Variants in GPHN observed in about 807,000 individuals in gnomAD.
GPHN encodes the protein gephyrin.
Under a neutral mutation model 95.5 loss-of-function variants are expected in GPHN, and 17 were observed. The ratio of observed to expected loss-of-function variants is 0.18; its 90% confidence interval spans 0.12 to 0.27. The LOEUF (loss-of-function observed/expected upper bound fraction) is 0.27. GPHN is among the 10% of genes least tolerant of loss of function. The pLI, the probability that GPHN is intolerant of heterozygous loss-of-function variation, is 1.00. For synonymous variants in GPHN, 320 were observed against 322.5 expected (o/e 0.99, Z 0.08); for missense variants, 660 against 978.1 (o/e 0.67, Z 4.34).
At chr14:67,018,662 G>A (rs1481591039) in intron 9 of GPHN, among the ~76,000 whole-genome samples, 2 of 152,154 alleles carry the variant, frequency 1.3e-5, no homozygotes, top group African/African-American at 4.8e-5. Flanking sequence ...CTCTCTTTGG[G>A]TTAGAAACAA....
At chr14:66,678,749 A>C (rs1265354678) in intron 1 of GPHN, among the ~76,000 whole-genome samples, 2 of 152,008 alleles carry the variant, frequency 1.3e-5, no homozygotes, top group African/African-American at 4.8e-5. Context: ...TTCTGTAGAC[A>C]TATCTATAGT....
At chr14:67,485,388 A>G in the GPHN span, among the ~76,000 whole-genome samples, 3 of 152,220 alleles carry the variant, frequency 2.0e-5, no homozygotes, top group African/African-American at 7.2e-5. Context: ...GCTGAGTGGA[A>G]AACAGATTCT....
chr14:67,615,010 A>G, the GPHN span: 1 of 151,542 alleles, frequency 6.6e-6, no homozygotes, highest in Admixed American at 6.6e-5. Flanking sequence ...ACTTATTCCC[A>G]CTCCCTCACA....
intron 5 of GPHN, among the ~76,000 whole-genome samples, chr14:66,914,941 G>C (rs932855277): frequency 2.6e-5 from 4 of 152,052 alleles, no homozygotes; most frequent in Non-Finnish European, 4.4e-5. Flanking sequence ...AACAGATTTT[G>C]AAGAAATATC....
At chr14:67,559,601 C>G in the GPHN span, 1 of 1,578,984 alleles carries the variant, frequency 6.3e-7, no homozygotes, top group Non-Finnish European at 8.6e-7. Context: ...CCCTCTCTTT[C>G]TTGCAGAAGC....
chr14:66,585,359 T>G (rs1012700830), intron 1 of GPHN, among the ~76,000 whole-genome samples: 6 of 152,206 alleles, frequency 3.9e-5, no homozygotes, highest in African/African-American at 1.4e-4. Context: ...TCATTGATTT[T>G]TTGAAGCGTT....
intron 16 of GPHN, among the ~76,000 whole-genome samples, chr14:67,118,453 C>T (rs1167115984): frequency 6.6e-6 from 1 of 152,138 alleles, no homozygotes; most frequent in Non-Finnish European, 1.5e-5. Context: ...GGGCCAGGCG[C>T]GGTGGCTCAC....
intron 13 of GPHN, among the ~76,000 whole-genome samples, chr14:67,107,653 A>G (rs941370216): frequency 6.6e-6 from 1 of 152,124 alleles, no homozygotes; most frequent in African/African-American, 2.4e-5. Flanking sequence ...AGACCCCTGG[A>G]TGGTGGGGCT....
intron 5 of GPHN, among the ~76,000 whole-genome samples, chr14:66,915,759 G>C (rs2065865562): frequency 6.6e-6 from 1 of 152,122 alleles, no homozygotes; most frequent in African/African-American, 2.4e-5. Context: ...TTGCTTAAAA[G>C]TAGGTAAATT....
chr14:67,662,721 T>A, the GPHN span, among the ~76,000 whole-genome samples: 2 of 152,016 alleles, frequency 1.3e-5, no homozygotes, highest in African/African-American at 4.8e-5. Context: ...CTGGCCAACC[T>A]GGTGAAACCC....
At chr14:67,473,720 G>C in the GPHN span, 15 of 1,606,442 alleles carry the variant, frequency 9.3e-6, no homozygotes, top group Non-Finnish European at 1.3e-5. The surrounding 1 kb of genome is among the most constrained non-coding windows in gnomAD (Gnocchi z 6.5). Context: ...GGCAGCGGCC[G>C]CGCAGCCGCA....
intron 10 of GPHN, among the ~76,000 whole-genome samples, chr14:67,028,013 C>T (rs989479270): frequency 1.3e-5 from 2 of 152,048 alleles, no homozygotes; most frequent in Admixed American, 6.6e-5. Flanking sequence ...ACCTTTTAGC[C>T]AACTTTTCTT....
chr14:67,612,786 C>CA, the GPHN span, among the ~76,000 whole-genome samples: 112 of 150,778 alleles, frequency 7.4e-4, no homozygotes, highest in African/African-American at 2.3e-3. Context: ...ACTAAAAATA[C>CA]AAAAAAAAAT....
chr14:66,589,980 C>T (rs1412804745), intron 1 of GPHN, among the ~76,000 whole-genome samples: 1 of 152,206 alleles, frequency 6.6e-6, no homozygotes, highest in Non-Finnish European at 1.5e-5. Flanking sequence ...AATAGTCTCT[C>T]AGACCACAGT....
intron 2 of GPHN, among the ~76,000 whole-genome samples, chr14:66,689,972 G>A (rs2067665425): frequency 6.6e-6 from 1 of 151,206 alleles, no homozygotes; most frequent in South Asian, 2.1e-4. Context: ...CTAGTAGTTT[G>A]GCAATTTTAT....
the GPHN span, among the ~76,000 whole-genome samples, chr14:67,428,716 C>A: frequency 1.3e-5 from 2 of 152,236 alleles, no homozygotes; most frequent in Non-Finnish European, 2.9e-5. Flanking sequence ...AGACCCTCAC[C>A]CTACTCAACG....
the GPHN span, among the ~76,000 whole-genome samples, chr14:67,354,810 T>C: frequency 6.6e-6 from 1 of 152,196 alleles, no homozygotes; most frequent in Non-Finnish European, 1.5e-5. Flanking sequence ...TTTGTACCTT[T>C]TGCATTTTAT....
At chr14:67,192,999 T>C in the GPHN span, among the ~76,000 whole-genome samples, 5 of 146,120 alleles carry the variant, frequency 3.4e-5, no homozygotes, top group Non-Finnish European at 7.5e-5. Flanking sequence ...TATATATCTC[T>C]ATATATCAAT....
At chr14:67,322,935 G>A in the GPHN span, among the ~76,000 whole-genome samples, 1 of 152,060 alleles carries the variant, frequency 6.6e-6, no homozygotes, top group Non-Finnish European at 1.5e-5. Flanking sequence ...TCTTGGATGT[G>A]CTTTTCTTGA....
Sources: allele counts gnomAD v4.1 joint callset (sites outside exome capture counted in the v4.1 genomes callset), GRCh38; gene constraint gnomAD v4.1.1; non-coding constraint Gnocchi (gnomAD v3.1); transcripts MANE v1.5; gene names NCBI Gene and HGNC (gene_info 2026-07-23, HGNC 2026-07-21).